Variants in FAM8A1 observed in about 807,000 individuals in gnomAD.
FAM8A1 encodes the protein family with sequence similarity 8 member A1.
FAM8A1 carries 18 observed loss-of-function variants against 38.3 expected under a neutral mutation model. The observed-to-expected ratio is 0.47, with a 90% CI of 0.33 to 0.70. The LOEUF is 0.70. FAM8A1 is among the 30% of genes least tolerant of loss of function. The pLI, the probability that FAM8A1 is intolerant of heterozygous loss-of-function variation, is 0.03. For missense variants in FAM8A1, 559 were observed against 559.6 expected, an observed-to-expected ratio of 1.00 and a Z score of 0.01; for synonymous variants, 246 against 234.4, an observed-to-expected ratio of 1.05 and a Z score of -0.45.
intron 1 of FAM8A1, among the ~76,000 whole-genome samples, chr6:17,602,267 C>T (rs752884967): frequency 3.9e-5 from 6 of 152,222 alleles, no homozygotes; most frequent in Non-Finnish European, 8.8e-5. Context: ...GAACTCCTGG[C>T]CTCAAGCAAT....
rs979041267 is a variant in FAM8A1, at chr6:17,608,614, T to C, written c.*275T>C. ...TATACTTTCTTAAGATCTAAGGTAC[T>C]TTCTTAAGATCTAAGAATTTGCTGA... On this transcript the variant is annotated 3_prime_UTR_variant, in exon 5 of 5. Coordinates refer to ENST00000259963, the MANE Select transcript of FAM8A1 (RefSeq NM_016255.3). The C allele has an allele frequency of 1.1e-5, 3 of 261,124 alleles. No homozygotes were observed. Among genetic ancestry groups the C allele is most frequent in the Non-Finnish European group, 2.1e-5 (3 of 140,258 alleles). 16.2% of individuals were successfully genotyped at this position (261,124 alleles called of 1,614,324 possible). A position where few individuals can be genotyped will look rare whatever the true frequency, so the allele number is the denominator to read the frequency against.
Position 17,601,010 on chromosome 6 carries a change from G to A in FAM8A1, c.601G>A (p.Gly201Ser). Residue 201 changes from glycine to serine, a missense_variant, in exon 1 of 5, where the codon GGC (glycine) becomes AGC (serine). Gly to Ser is a moderately conservative substitution (Grantham distance 56, BLOSUM62 0). Coordinates refer to ENST00000259963, the MANE Select transcript of FAM8A1 (RefSeq NM_016255.3). ...CATCAGCACCCCTGCTCCAGTCGCG[G>A]GCCTGGGACCCCGGGCTCCTCACGT... ...AGISTPAPVA[G>S]LGPRAPHVQA... 6.3e-7 allele frequency: 1 copy of A among 1,588,194 alleles called. No individual in the cohort carries two copies. Among genetic ancestry groups the A allele is most frequent in the South Asian group, 1.1e-5 (1 of 88,140 alleles).
At chr6:17,603,778 G>T (rs1764017326) in intron 2 of FAM8A1, among the ~76,000 whole-genome samples, 1 of 151,916 alleles carries the variant, frequency 6.6e-6, no homozygotes, top group Non-Finnish European at 1.5e-5. Context: ...TAGAGATGGG[G>T]TCTCCCTATG....
rs1049819780 is a variant in FAM8A1 at position 17,606,020 on chromosome 6, C to A, written c.1097+7C>A. 2.7e-6 allele frequency: 4 copies of A among 1,479,360 alleles called. No homozygotes were observed. In the African/African-American group the frequency reaches 5.7e-5, roughly 21 times the overall value. 91.6% of individuals were successfully genotyped at this position (1,479,360 alleles called of 1,614,324 possible). On this transcript the variant is annotated splice_region_variant and intron_variant, in intron 4 of 4. Coordinates refer to ENST00000259963, the MANE Select transcript of FAM8A1 (RefSeq NM_016255.3). ...CAAATGTTAGCATTACAACGTAAGT[C>A]CTTTTCTTAGCTTAATCTACTACAT...
Position 17,601,104 on chromosome 6 carries a change from A to G in FAM8A1, c.695A>G (p.Glu232Gly), listed in dbSNP as rs1364513586. The G allele has an allele frequency of 1.9e-6, 3 of 1,594,710 alleles. No homozygotes were observed. The highest frequency in any genetic ancestry group is 2.3e-5 in the South Asian group (2 of 88,214). Residue 232 changes from glutamate to glycine, a missense_variant, in exon 1 of 5, where the codon GAG becomes GGG. Glu to Gly is a moderately conservative substitution (Grantham distance 98). Transcript: ENST00000259963. ...GSAAPSRSPS[E>G]TGRQAGREYV... Reference sequence around the variant, plus strand: ...GCAGCCCCTTCGCGAAGCCCGAGCGAGACCGGGCGACAGGCAGGTGAGAAG... The same window carrying G: ...GCAGCCCCTTCGCGAAGCCCGAGCGGGACCGGGCGACAGGCAGGTGAGAAG...
chr6:17,602,580 TA>T lies in FAM8A1; in HGVS notation c.713-8del. On this transcript the variant is annotated splice_polypyrimidine_tract_variant and intron_variant, in intron 1 of 4. Transcript: ENST00000259963. ...GTTTTTCCTAACTTTTTTTTTTTTT[TA>T]ATTTACAGGCAGAGAATATGTTATT... is the stretch of plus-strand genomic sequence containing the variant. 1 of 1,535,070 alleles carries T rather than the reference TA, an allele frequency of 6.5e-7. No homozygotes were observed. The highest frequency in any genetic ancestry group is 1.5e-5 in the African/African-American group (1 of 66,304).
At chr6:17,605,813 GT>G (rs1764045086) in intron 3 of FAM8A1, 60 bp from the exon 4 acceptor site, 2 of 1,410,900 alleles carry the variant, frequency 1.4e-6, no homozygotes, top group Admixed American at 5.1e-5. Context: ...GGTGGGAAAA[GT>G]TTATCTTTAA....
intron 2 of FAM8A1, among the ~76,000 whole-genome samples, chr6:17,603,161 C>A (rs1477542841): frequency 1.3e-5 from 2 of 152,246 alleles, no homozygotes; most frequent in Non-Finnish European, 2.9e-5. Flanking sequence ...CCCAAGTGAA[C>A]TTCAAAGTGA....
Position 17,608,507 on chromosome 6 carries a change from G to A in FAM8A1, c.*168G>A. The A allele has an allele frequency of 1.8e-6, 1 of 562,376 alleles. No homozygotes were observed. Among genetic ancestry groups the A allele is most frequent in the Non-Finnish European group, 2.6e-6 (1 of 387,792 alleles). The allele number at this position is 562,376 out of a possible 1,614,324, so 34.8% of individuals were successfully genotyped here. A position where few individuals can be genotyped will look rare whatever the true frequency, so the allele number is the denominator to read the frequency against. Reference sequence around the variant, plus strand: ...ATTATACTTGAATGCCAAAGAACTTGTCCAGAAGAAAAACCTGTTAAATTC... The same window carrying A: ...ATTATACTTGAATGCCAAAGAACTTATCCAGAAGAAAAACCTGTTAAATTC... On this transcript the variant is annotated 3_prime_UTR_variant, in exon 5 of 5. Transcript: ENST00000259963.
At position 17,610,177 on chromosome 6, in the gene FAM8A1, G is replaced by A. The variant is rs745379351; in HGVS notation, c.*1838G>A. The stretch of plus-strand genomic sequence containing the variant: ...CATTAGTTTATACACCACTTTTGCC[G>A]CTGGGGAATTCAAGTTGAAATGTCC... On this transcript the variant is annotated 3_prime_UTR_variant, in exon 5 of 5. Coordinates refer to ENST00000259963, the MANE Select transcript of FAM8A1 (RefSeq NM_016255.3). 4.6e-5 allele frequency: 7 copies of A among 152,008 alleles called. No homozygotes were observed. The highest frequency in any genetic ancestry group is 2.0e-4 in the Admixed American group (3 of 15,246). The allele number at this position is 152,008 out of a possible 1,614,324, so 9.4% of individuals were successfully genotyped here.
chr6:17,608,388 A>ATG lies in FAM8A1; in HGVS notation c.*49_*50insTG. On this transcript the variant is annotated 3_prime_UTR_variant, in exon 5 of 5. Coordinates refer to ENST00000259963, the MANE Select transcript of FAM8A1 (RefSeq NM_016255.3). ...ACACACTAAGACTAAATTATGTATC[A>ATG]AGGCCATCAGTATCCCTGGGTTACA... 1 of 1,576,274 alleles carries ATG rather than the reference A, an allele frequency of 6.3e-7. No homozygotes were observed. The highest frequency in any genetic ancestry group is 1.2e-5 in the South Asian group (1 of 85,902).
chr6:17,600,333 G>A lies in FAM8A1; in HGVS notation c.-77G>A. ...GCCTGCGGTTGCTGCGGTGGTGACG[G>A]GGCTGTTGGGGAGGGGCCATTGGGG... On this transcript the variant is annotated 5_prime_UTR_variant, in exon 1 of 5. Coordinates refer to ENST00000259963, the MANE Select transcript of FAM8A1 (RefSeq NM_016255.3). The A allele has an allele frequency of 7.6e-7, 1 of 1,311,312 alleles. No homozygotes were observed. The highest frequency in any genetic ancestry group is 1.5e-5 in the African/African-American group (1 of 64,786). The allele number at this position is 1,311,312 out of a possible 1,614,324, so 81.2% of individuals were successfully genotyped here. A position where few individuals can be genotyped will look rare whatever the true frequency, so the allele number is the denominator to read the frequency against.
rs1554134285 is a variant in FAM8A1 at position 17,610,533 on chromosome 6, A to AAAGT, written c.*2195_*2198dup. ...TATTTGCACCGAGATTTTGATTCCC[A>AAAGT]AAGTTTGGAAAAAAATGACAAAACA... is the stretch of plus-strand genomic sequence containing the variant. On this transcript the variant is annotated 3_prime_UTR_variant, in exon 5 of 5. Transcript: ENST00000259963. 1 of 152,116 alleles carries AAAGT rather than the reference A, an allele frequency of 6.6e-6. No individual in the cohort carries two copies. The highest frequency in any genetic ancestry group is 2.4e-5 in the African/African-American group (1 of 41,434). The allele number at this position is 152,116 out of a possible 1,614,324, so 9.4% of individuals were successfully genotyped here.
At chr6:17,601,215 C>T (rs1171643482) in intron 1 of FAM8A1, 94 bp downstream of exon 1, 3 of 1,443,334 alleles carry the variant, frequency 2.1e-6, no homozygotes, top group Non-Finnish European at 2.8e-6. Context: ...GTAACTGCTG[C>T]TTCTACTCTG....
At chr6:17,606,357 C>T (rs1466072081) in intron 4 of FAM8A1, among the ~76,000 whole-genome samples, 19 of 152,006 alleles carry the variant, frequency 1.2e-4, no homozygotes, top group African/African-American at 3.9e-4. Context: ...CCCGCCACCA[C>T]GCCCGGCTAA....
intron 4 of FAM8A1, among the ~76,000 whole-genome samples, chr6:17,606,305 A>G (rs1764052906): frequency 6.8e-6 from 1 of 147,078 alleles, no homozygotes; most frequent in Non-Finnish European, 1.5e-5. Flanking sequence ...GGTTCACGCC[A>G]TTCTCCTGCC....
chr6:17,605,931 C>G lies in FAM8A1; in HGVS notation c.1015C>G (p.Arg339Gly). ...CCCAGGGAAGTTCCTGCTGGGGCTT[C>G]GAGTTGTGACATGTGATACATCAGT... ...ATPGKFLLGLRVVTCDTSVLI... is the reference protein window; with the variant it reads ...ATPGKFLLGLGVVTCDTSVLI... The change falls in exon 4 of 5, where the codon CGA becomes GGA. Residue 339 changes from arginine (R) to glycine (G), a missense_variant. Arg to Gly is a moderately radical substitution (Grantham distance 125). Around this residue, in one of 2 missense-constraint regions of FAM8A1, gnomAD observed 166 missense variants for 220.8 expected, o/e 0.75. Transcript: ENST00000259963. 3 of 1,525,894 alleles carry G rather than the reference C, an allele frequency of 2.0e-6. No individual in the cohort carries two copies. Among genetic ancestry groups the G allele is most frequent in the Non-Finnish European group, 2.7e-6 (3 of 1,127,878 alleles). 94.5% of individuals were successfully genotyped at this position (1,525,894 alleles called of 1,614,324 possible). A position where few individuals can be genotyped will look rare whatever the true frequency, so the allele number is the denominator to read the frequency against.
intron 1 of FAM8A1, among the ~76,000 whole-genome samples, chr6:17,601,775 C>A (rs1049189918): frequency 6.6e-6 from 1 of 151,736 alleles, no homozygotes; most frequent in Admixed American, 6.6e-5. Flanking sequence ...GCCTCTGATC[C>A]CAGTCAGAAT....
Position 17,610,198 on chromosome 6 carries a change from T to A in FAM8A1, c.*1859T>A, listed in dbSNP as rs1764119858. On this transcript the variant is annotated 3_prime_UTR_variant, in exon 5 of 5. Transcript: ENST00000259963. ...TGCCGCTGGGGAATTCAAGTTGAAA[T>A]GTCCCTCAATCATATAGGTCTGGAA... The A allele has an allele frequency of 6.6e-6, 1 of 152,278 alleles. No individual in the cohort carries two copies. Among genetic ancestry groups the A allele is most frequent in the South Asian group, 2.1e-4 (1 of 4,830 alleles). The allele number at this position is 152,278 out of a possible 1,614,324, so 9.4% of individuals were successfully genotyped here.
Sources: gnomAD v4.1 joint callset for allele counts (sites outside exome capture counted in the v4.1 genomes callset) on GRCh38, gnomAD v4.1.1 for gene constraint, gnomAD v4.1.1 regional missense constraint, MANE v1.5 for transcripts, NCBI Gene and HGNC (gene_info 2026-07-23, HGNC 2026-07-21) for gene names.